EIF5A2: variants seen among roughly 807,000 people sequenced by gnomAD.
The protein encoded by EIF5A2 is eukaryotic translation initiation factor 5A-2.
In EIF5A2, 15 loss-of-function variants were observed where a neutral mutation model predicts 16.4. The observed-to-expected ratio is 0.92, with a 90% confidence interval of 0.61 to 1.41. The LOEUF (loss-of-function observed/expected upper bound fraction) is 1.41, where lower values mean the gene tolerates loss of function less well. Among genes scored for constraint, EIF5A2 ranks in the 40% most tolerant of loss-of-function variants. EIF5A2 has a pLI of 0.00. For missense variants in EIF5A2, 144 were observed against 189.5 expected (o/e 0.76, Z 1.41); for synonymous variants, 48 against 61.1 (o/e 0.79, Z 1.00).
rs973054674 is a variant in EIF5A2, at chr3:170,888,934, T to C, written c.*4426A>G. ...TGATGTGTGACAAGCTGTTCGGTCA[T>C]TGCTGAAAATAGTCCAGAGTTTTTT... is the stretch of plus-strand genomic sequence containing the variant. On this transcript the variant is annotated 3_prime_UTR_variant, in exon 5 of 5. Coordinates refer to ENST00000295822, the MANE Select transcript of EIF5A2 (RefSeq NM_020390.6). 11 of 152,128 alleles carry C rather than the reference T, an allele frequency of 7.2e-5. No individual in the cohort carries two copies. The highest frequency in any genetic ancestry group is 2.4e-4 in the African/African-American group (10 of 41,410). 9.4% of individuals were successfully genotyped at this position (152,128 alleles called of 1,614,324 possible). A position where few individuals can be genotyped will look rare whatever the true frequency, so the allele number is the denominator to read the frequency against.
At position 170,907,835 on chromosome 3, in the gene EIF5A2, G is replaced by A; in HGVS notation, c.-29C>T. ...GGGCAGGGGAGATGGTAGTTTTTCC[G>A]TGGGAACTACACAAAAAGTTTGTGT... On this transcript the variant is annotated 5_prime_UTR_variant, in exon 2 of 5. It adds an upstream start codon to the 5' untranslated region. Transcript: ENST00000295822. 1.3e-6 allele frequency: 2 copies of A among 1,510,214 alleles called. No homozygotes were observed. Among genetic ancestry groups the A allele is most frequent in the Non-Finnish European group, 1.8e-6 (2 of 1,117,008 alleles). The allele number at this position is 1,510,214 out of a possible 1,614,324, so 93.6% of individuals were successfully genotyped here. A position where few individuals can be genotyped will look rare whatever the true frequency, so the allele number is the denominator to read the frequency against.
intron 3 of EIF5A2, among the ~76,000 whole-genome samples, chr3:170,897,641 A>T (rs1461468576): frequency 6.6e-6 from 1 of 152,220 alleles, no homozygotes; most frequent in Non-Finnish European, 1.5e-5. Flanking sequence ...CCTAGATTTC[A>T]GAGGATGTAT....
chr3:170,893,020 T>C lies in EIF5A2; in HGVS notation c.*340A>G, dbSNP rs1255091794. ...CAATACCACTTTATGCTACATTGTT[T>C]GATTTAAAACCCTGGTTTATCATCT... On this transcript the variant is annotated 3_prime_UTR_variant, in exon 5 of 5. Coordinates refer to ENST00000295822, the MANE Select transcript of EIF5A2 (RefSeq NM_020390.6). 3 of 421,112 alleles carry C rather than the reference T, an allele frequency of 7.1e-6. No individual in the cohort carries two copies. The highest frequency in any genetic ancestry group is 1.2e-5 in the Non-Finnish European group (3 of 240,518). 26.1% of individuals were successfully genotyped at this position (421,112 alleles called of 1,614,324 possible). A position where few individuals can be genotyped will look rare whatever the true frequency, so the allele number is the denominator to read the frequency against.
intron 3 of EIF5A2, among the ~76,000 whole-genome samples, chr3:170,903,107 C>T (rs1712854743): frequency 6.6e-6 from 1 of 151,828 alleles, no homozygotes; most frequent in Admixed American, 6.6e-5. Context: ...CCTGACTGTA[C>T]CCCTTCCATC....
At chr3:170,893,750 G>A (rs560557924) in intron 4 of EIF5A2, among the ~76,000 whole-genome samples, 3 of 152,326 alleles carry the variant, frequency 2.0e-5, no homozygotes, top group African/African-American at 7.2e-5. Flanking sequence ...GAATAGCTCA[G>A]GGCTGGGCGC....
chr3:170,907,916 T>C, intron 1 of EIF5A2, 75 bp from the exon 2 acceptor site: 2 of 1,197,396 alleles, frequency 1.7e-6, no homozygotes, highest in Middle Eastern at 3.0e-4. Flanking sequence ...GGACAAGTTA[T>C]GTGCCAAGCA....
In EIF5A2 at chr3:170,890,060, A is replaced by T. The variant is rs1337649720; in HGVS notation, c.*3300T>A. The T allele has an allele frequency of 5.2e-5, 8 of 152,668 alleles. No individual in the cohort carries two copies. The East Asian group carries it at 1.5e-3, about 29-fold the overall frequency. The allele number at this position is 152,668 out of a possible 1,614,324, so 9.5% of individuals were successfully genotyped here. On this transcript the variant is annotated 3_prime_UTR_variant, in exon 5 of 5. Transcript: ENST00000295822. Reference sequence around the variant, plus strand: ...ATTAGCTTTAAAATAATGAAATTTCAGCTTTTAGCACAAATAGCCCTGAGA... The same window carrying T: ...ATTAGCTTTAAAATAATGAAATTTCTGCTTTTAGCACAAATAGCCCTGAGA...
chr3:170,893,290 G>A lies in EIF5A2; in HGVS notation c.*70C>T. Reference sequence around the variant, plus strand: ...TGCTTATGAAGGCTATAGCTTTGGTGACAACTTAGAACCAAATTAGATCTG... The same window carrying A: ...TGCTTATGAAGGCTATAGCTTTGGTAACAACTTAGAACCAAATTAGATCTG... On this transcript the variant is annotated 3_prime_UTR_variant, in exon 5 of 5. Transcript: ENST00000295822. 6.6e-7 allele frequency: 1 copy of A among 1,524,272 alleles called. No homozygotes were observed. The allele number at this position is 1,524,272 out of a possible 1,614,324, so 94.4% of individuals were successfully genotyped here. A position where few individuals can be genotyped will look rare whatever the true frequency, so the allele number is the denominator to read the frequency against.
At chr3:170,905,021 C>T (rs1025137815) in intron 3 of EIF5A2, among the ~76,000 whole-genome samples, 1 of 152,204 alleles carries the variant, frequency 6.6e-6, no homozygotes, top group African/African-American at 2.4e-5. Context: ...GTGCGGAGTA[C>T]ATACCAAGGG....
chr3:170,904,453 G>T (rs1490127255), intron 3 of EIF5A2, among the ~76,000 whole-genome samples: 1 of 152,178 alleles, frequency 6.6e-6, no homozygotes, highest in African/African-American at 2.4e-5. Context: ...GGTTAGGTAA[G>T]TGAAGACCAC....
intron 3 of EIF5A2, among the ~76,000 whole-genome samples, chr3:170,896,594 T>C (rs1216497004): frequency 6.6e-6 from 1 of 152,210 alleles, no homozygotes; most frequent in East Asian, 1.9e-4. Context: ...CCCCTTCGCC[T>C]TCTGCCGTGG....
At chr3:170,898,699 T>C (rs973551427) in intron 3 of EIF5A2, among the ~76,000 whole-genome samples, 14 of 152,154 alleles carry the variant, frequency 9.2e-5, no homozygotes, top group Non-Finnish European at 1.9e-4. Context: ...ATCTTTTAAA[T>C]TGAATTATTT....
chr3:170,893,439 CA>C lies in EIF5A2; in HGVS notation c.403-21del, dbSNP rs1445499954. Reference sequence around the variant, plus strand: ...AGACACCTAGAAGGAAAAAAGCAGGCAAAACGTTATTCAGAAGACAATACAT... The same window carrying C: ...AGACACCTAGAAGGAAAAAAGCAGGCAAACGTTATTCAGAAGACAATACAT... On this transcript the variant is annotated intron_variant, in intron 4 of 4. Coordinates refer to ENST00000295822, the MANE Select transcript of EIF5A2 (RefSeq NM_020390.6). The C allele has an allele frequency of 6.2e-7, 1 of 1,612,880 alleles. No homozygotes were observed. Among genetic ancestry groups the C allele is most frequent in the Non-Finnish European group, 8.5e-7 (1 of 1,179,554 alleles).
At position 170,888,585 on chromosome 3, in the gene EIF5A2, A is replaced by G. The variant is rs1712443091; in HGVS notation, c.*4775T>C. The G allele has an allele frequency of 6.6e-6, 1 of 152,598 alleles. No individual in the cohort carries two copies. Among genetic ancestry groups the G allele is most frequent in the South Asian group, 2.1e-4 (1 of 4,832 alleles). The allele number at this position is 152,598 out of a possible 1,614,324, so 9.5% of individuals were successfully genotyped here. ...TAACTATTTTTGAAATGTAAAATGT[A>G]CAATTAGTAATACCCATACTACGTA... is the stretch of plus-strand genomic sequence containing the variant. On this transcript the variant is annotated 3_prime_UTR_variant, in exon 5 of 5. Coordinates refer to ENST00000295822, the MANE Select transcript of EIF5A2 (RefSeq NM_020390.6).
rs1218424552 is a variant in EIF5A2, at chr3:170,890,389, T to C, written c.*2971A>G. The C allele has an allele frequency of 6.6e-6, 1 of 152,122 alleles. No homozygotes were observed. The highest frequency in any genetic ancestry group is 2.4e-5 in the African/African-American group (1 of 41,438). The allele number at this position is 152,122 out of a possible 1,614,324, so 9.4% of individuals were successfully genotyped here. A position where few individuals can be genotyped will look rare whatever the true frequency, so the allele number is the denominator to read the frequency against. On this transcript the variant is annotated 3_prime_UTR_variant, in exon 5 of 5. Coordinates refer to ENST00000295822, the MANE Select transcript of EIF5A2 (RefSeq NM_020390.6). ...ATATCATGCTCTGATGCAGGAGAGT[T>C]TTGGTAATTAACATAAAGCGCTGGT...
intron 3 of EIF5A2, among the ~76,000 whole-genome samples, chr3:170,905,253 C>T (rs1008372703): frequency 6.6e-6 from 1 of 152,126 alleles, no homozygotes; most frequent in Non-Finnish European, 1.5e-5. Context: ...GTTACTAGTT[C>T]TGTCTTTATT....
In EIF5A2 at chr3:170,889,292, T is replaced by A. The variant is rs1712469896; in HGVS notation, c.*4068A>T. 1 of 152,476 alleles carries A rather than the reference T, an allele frequency of 6.6e-6. No homozygotes were observed. 9.4% of individuals were successfully genotyped at this position (152,476 alleles called of 1,614,324 possible). A position where few individuals can be genotyped will look rare whatever the true frequency, so the allele number is the denominator to read the frequency against. On this transcript the variant is annotated 3_prime_UTR_variant, in exon 5 of 5. Coordinates refer to ENST00000295822, the MANE Select transcript of EIF5A2 (RefSeq NM_020390.6). ...CAGATGTTTGTTTAATGGAAAAACA[T>A]TAAATTACATATTGGCTTCAAGCCA...
intron 2 of EIF5A2, 145 bp from the exon 3 acceptor site, chr3:170,907,238 T>C: frequency 3.6e-6 from 2 of 558,396 alleles, no homozygotes; most frequent in Non-Finnish European, 6.1e-6. Context: ...AAAAAAAATG[T>C]AGTGGTCTTA....
chr3:170,903,979 C>A (rs970130915), intron 3 of EIF5A2, among the ~76,000 whole-genome samples: 45 of 152,154 alleles, frequency 3.0e-4, no homozygotes, highest in African/African-American at 9.7e-4. Flanking sequence ...GTAGTAAATG[C>A]AGAAACGGCA....
Sources: allele counts gnomAD v4.1 joint callset (sites outside exome capture counted in the v4.1 genomes callset), GRCh38; gene constraint gnomAD v4.1.1; transcripts MANE v1.5; gene names NCBI Gene and HGNC (gene_info 2026-07-23, HGNC 2026-07-21).